SCARA3: variants seen among roughly 807,000 people sequenced by gnomAD.
The protein encoded by SCARA3 is cellular stress response gene protein.
SCARA3 carries 39 observed loss-of-function variants against 47.0 expected under a neutral mutation model. The ratio of observed to expected loss-of-function variants is 0.83; its 90% CI spans 0.64 to 1.08. The LOEUF is 1.08. SCARA3 is among the 50% of genes least tolerant of loss of function. The pLI, the probability that SCARA3 is intolerant of heterozygous loss-of-function variation, is 0.00. For missense variants in SCARA3, 724 were observed against 792.3 expected (o/e 0.91, Z 1.04); for synonymous variants, 356 against 334.1 (o/e 1.07, Z -0.71).
the SCARA3 span, among the ~76,000 whole-genome samples, chr8:27,714,812 AC>A: frequency 6.6e-6 from 1 of 152,178 alleles, no homozygotes; most frequent in African/African-American, 2.4e-5. Context: ...AAAATAAAAA[AC>A]AGTATTGCTT....
chr8:27,727,399 C>G, the SCARA3 span, among the ~76,000 whole-genome samples: 16 of 152,220 alleles, frequency 1.1e-4, no homozygotes, highest in African/African-American at 3.4e-4. Flanking sequence ...TGATGCGCGC[C>G]GAGACCAGGG....
At chr8:27,701,173 G>A in the SCARA3 span, 3 of 151,730 alleles carry the variant, frequency 2.0e-5, no homozygotes, top group Non-Finnish European at 4.4e-5. Flanking sequence ...TCACTCAAAA[G>A]AGTACAGACT....
At chr8:27,708,528 T>C in the SCARA3 span, among the ~76,000 whole-genome samples, 15 of 152,018 alleles carry the variant, frequency 9.9e-5, no homozygotes, top group African/African-American at 3.6e-4. Context: ...TGTCTAAATA[T>C]GCCTATAAAT....
At chr8:27,643,136 G>A (rs991870405) in intron 1 of SCARA3, among the ~76,000 whole-genome samples, 9 of 152,200 alleles carry the variant, frequency 5.9e-5, no homozygotes, top group Non-Finnish European at 1.0e-4. Context: ...AGAGTGGGCC[G>A]TGCTCATCTA....
intron 3 of SCARA3, 32 bp downstream of exon 3, chr8:27,651,659 AGGG>A: frequency 1.9e-6 from 3 of 1,610,624 alleles, no homozygotes; most frequent in Non-Finnish European, 2.5e-6. Context: ...CCCGGGCTGC[AGGG>A]GGGTGTCTGA....
chr8:27,654,708 T>G (rs2128919480), intron 3 of SCARA3, among the ~76,000 whole-genome samples: 1 of 151,010 alleles, frequency 6.6e-6, no homozygotes, highest in South Asian at 2.1e-4. Flanking sequence ...GATGATCACT[T>G]GAGCCCAGAA....
At chr8:27,665,530 G>C (rs183879394) in intron 5 of SCARA3, among the ~76,000 whole-genome samples, 208 of 152,216 alleles carry the variant, frequency 1.4e-3, no homozygotes, top group Non-Finnish European at 2.1e-3. Context: ...GGGGCTTTTG[G>C]CTACTTTCTT....
At chr8:27,642,502 CA>C (rs1350984544) in intron 1 of SCARA3, among the ~76,000 whole-genome samples, 3 of 152,162 alleles carry the variant, frequency 2.0e-5, no homozygotes, top group Admixed American at 6.5e-5. Context: ...TTTGCAGGAT[CA>C]GGGGTGACAA....
At position 27,653,603 on chromosome 8, in the gene SCARA3, G is replaced by A. The variant is rs35739639; in HGVS notation, c.226+1976G>A. ...TGTGTGTGTGTGTGTGTGTGTGTAT[G>A]GTGTATGTGTGAGTCTGTGGATAGA... On this transcript the variant is annotated intron_variant, in intron 3 of 5. Coordinates refer to ENST00000301904, the MANE Select transcript of SCARA3 (RefSeq NM_016240.3). Among the ~76,000 whole-genome samples the A allele has an allele frequency of 6.9e-4, 102 of 147,534 alleles. 2 individuals carry two copies. The East Asian group carries it at 0.019, about 27-fold the overall frequency.
At chr8:27,639,796 G>T (rs1335612288) in intron 1 of SCARA3, among the ~76,000 whole-genome samples, 1 of 152,180 alleles carries the variant, frequency 6.6e-6, no homozygotes, top group East Asian at 1.9e-4. Context: ...AACCATGATG[G>T]TAATGTCATG....
At chr8:27,727,906 G>A in the SCARA3 span, among the ~76,000 whole-genome samples, 1 of 152,128 alleles carries the variant, frequency 6.6e-6, no homozygotes, top group Non-Finnish European at 1.5e-5. Context: ...TGCACTGAAG[G>A]GAATCCACGG....
chr8:27,669,202 T>C lies in SCARA3; in HGVS notation c.1370-1698T>C, dbSNP rs34758651. ...GAGGGAGTGGCAGGAGAAGGGGTCA[T>C]GGAGCTGCAGGGCCCTTGGAAGCTG... On this transcript the variant is annotated intron_variant, in intron 5 of 5. Transcript: ENST00000301904. 7.6e-3 allele frequency among the ~76,000 whole-genome samples: 1,150 copies of C among 152,144 alleles called. 18 individuals are homozygous for C. The highest frequency in any genetic ancestry group is 0.026 in the African/African-American group (1,083 of 41,514).
the SCARA3 span, among the ~76,000 whole-genome samples, chr8:27,730,973 C>A: frequency 3.3e-5 from 5 of 151,014 alleles, no homozygotes; most frequent in African/African-American, 1.2e-4. Context: ...CCCAGGAGAT[C>A]CTGGGGGGCC....
At chr8:27,686,813 G>C in the SCARA3 span, among the ~76,000 whole-genome samples, 1 of 152,114 alleles carries the variant, frequency 6.6e-6, no homozygotes. Context: ...TTTAAGTTCA[G>C]GGTACATGTG....
downstream of SCARA3, among the ~76,000 whole-genome samples, chr8:27,677,457 G>C (rs986893847): frequency 6.6e-6 from 1 of 152,130 alleles, no homozygotes; most frequent in Non-Finnish European, 1.5e-5. Context: ...GATGCTGAAG[G>C]GTATACAGTG....
the SCARA3 span, among the ~76,000 whole-genome samples, chr8:27,720,721 C>G: frequency 6.6e-6 from 1 of 151,920 alleles, no homozygotes; most frequent in Non-Finnish European, 1.5e-5. Context: ...TCCATCCATC[C>G]ATTCACCTAT....
downstream of SCARA3, among the ~76,000 whole-genome samples, chr8:27,681,714 T>C (rs910672409): frequency 5.3e-5 from 8 of 152,206 alleles, no homozygotes; most frequent in African/African-American, 1.9e-4. Context: ...AGGCTGAGAT[T>C]CTGTCTTAAA....
At chr8:27,724,375 C>T in the SCARA3 span, among the ~76,000 whole-genome samples, 1 of 152,104 alleles carries the variant, frequency 6.6e-6, no homozygotes, top group Non-Finnish European at 1.5e-5. Flanking sequence ...TAAAACTGGT[C>T]AAGTGTGGCC....
intron 4 of SCARA3, 70 bp from the exon 5 acceptor site, chr8:27,658,426 T>C (rs1801789357): frequency 1.1e-5 from 16 of 1,395,920 alleles, no homozygotes; most frequent in African/African-American, 1.4e-5. Context: ...CTCTGAAATA[T>C]TTAATTTAAA....
Sources: gnomAD v4.1 joint callset for allele counts (sites outside exome capture counted in the v4.1 genomes callset) on GRCh38, gnomAD v4.1.1 for gene constraint, MANE v1.5 for transcripts, NCBI Gene and HGNC (gene_info 2026-07-23, HGNC 2026-07-21) for gene names.